The following DSC3 variants were observed in gnomAD, a reference collection of about 807,000 sequenced individuals.
DSC3 encodes the protein desmocollin 3.
Under a neutral mutation model 89.5 loss-of-function variants are expected in DSC3, and 97 were observed. That is an observed-to-expected ratio of 1.08 (90% CI 0.92 to 1.28). The LOEUF is 1.28. DSC3 is among the 50% of genes most tolerant of loss of function. The pLI is 0.00. For synonymous variants in DSC3, 436 were observed against 384.1 expected, an observed-to-expected ratio of 1.14 and a Z score of -1.58; for missense variants, 1,199 against 1,085.3, an observed-to-expected ratio of 1.10 and a Z score of -1.47.
intron 15 of DSC3, 71 bp downstream of exon 15, chr18:30,996,720 T>G: frequency 1.3e-6 from 2 of 1,582,146 alleles, no homozygotes; most frequent in Middle Eastern, 2.3e-4. Context: ...AAATATATGT[T>G]AATTTGAATT....
intron 9 of DSC3, among the ~76,000 whole-genome samples, chr18:31,012,169 A>T (rs1345838032): frequency 1.3e-5 from 2 of 152,146 alleles, no homozygotes; most frequent in African/African-American, 4.8e-5. Context: ...TTTATTAATC[A>T]AAATGTTAGC....
At chr18:31,012,695 G>GT (rs1224479644) in intron 9 of DSC3, among the ~76,000 whole-genome samples, 1 of 152,140 alleles carries the variant, frequency 6.6e-6, no homozygotes, top group Non-Finnish European at 1.5e-5. Flanking sequence ...GTGGGACACT[G>GT]TTTCAGAGAT....
intron 2 of DSC3, among the ~76,000 whole-genome samples, chr18:31,031,815 A>G (rs1447779795): frequency 6.6e-6 from 1 of 152,192 alleles, no homozygotes; most frequent in Non-Finnish European, 1.5e-5. Flanking sequence ...ATAAATATCA[A>G]AATGTACCTG....
intron 8 of DSC3, 123 bp downstream of exon 8, chr18:31,018,543 T>G: frequency 3.5e-6 from 4 of 1,145,402 alleles, no homozygotes; most frequent in Non-Finnish European, 1.3e-6. Context: ...AACTTTAATT[T>G]TATTCATAAA....
At chr18:31,016,457 T>C (rs1985240194) in intron 9 of DSC3, among the ~76,000 whole-genome samples, 1 of 152,212 alleles carries the variant, frequency 6.6e-6, no homozygotes, top group Admixed American at 6.5e-5. Flanking sequence ...AGAACATCTG[T>C]TGCAATCACA....
In DSC3 at chr18:31,018,816, AT is replaced by A. The variant is rs1211189663; in HGVS notation, c.943-17del. 2 of 1,612,770 alleles carry A rather than the reference AT, an allele frequency of 1.2e-6. No individual in the cohort carries two copies. The highest frequency in any genetic ancestry group is 8.5e-7 in the Non-Finnish European group (1 of 1,179,720). On this transcript the variant is annotated splice_polypyrimidine_tract_variant and intron_variant, in intron 7 of 15. Coordinates refer to ENST00000360428, the MANE Select transcript of DSC3 (RefSeq NM_001941.5). ...TGTCTACAACCTGGAAACAAAGCAA[AT>A]ATTTAACTAGTCTTGAAAAATTTTT...
intron 7 of DSC3, among the ~76,000 whole-genome samples, chr18:31,021,448 G>T (rs560408308): frequency 6.6e-6 from 1 of 151,950 alleles, no homozygotes; most frequent in African/African-American, 2.4e-5. Context: ...CAATTAAAAC[G>T]TTTGTACTAC....
At position 31,008,417 on chromosome 18, in the gene DSC3, C is replaced by T. The variant is rs1394527804; in HGVS notation, c.1372G>A (p.Val458Ile). The part of the protein sequence containing the change: ...PRVTALNRAL[V>I]TVHVRDLDEG... Reference sequence around the variant, plus strand: ...TCCAGATCCCTCACATGAACTGTAACCAAGGCTCTGTTCAAGGCTGTCACT... The same window carrying T: ...TCCAGATCCCTCACATGAACTGTAATCAAGGCTCTGTTCAAGGCTGTCACT... Residue 458 changes from valine to isoleucine, a missense_variant, in exon 10 of 16, where the codon GTT becomes ATT. By Grantham distance (29) the Val-to-Ile change is conservative. Transcript: ENST00000360428. 2 of 1,614,130 alleles carry T rather than the reference C, an allele frequency of 1.2e-6. No individual in the cohort carries two copies. Among genetic ancestry groups the T allele is most frequent in the South Asian group, 1.1e-5 (1 of 91,080 alleles).
chr18:31,036,798 CTTT>C (rs775187201), intron 1 of DSC3, among the ~76,000 whole-genome samples: 2 of 107,422 alleles, frequency 1.9e-5, no homozygotes, highest in Non-Finnish European at 1.8e-5. Flanking sequence ...TTCTTTCTTC[CTTT>C]TTTTTTTTTG....
At position 31,030,934 on chromosome 18, in the gene DSC3, T is replaced by A. The variant is rs1411323841; in HGVS notation, c.354+39A>T. On this transcript the variant is annotated intron_variant, in intron 3 of 15. Transcript: ENST00000360428. ...GCAATTTTTAATAAGAGTATTTTAA[T>A]GAAAAAATGACTGAAAATATTTAAT... The A allele has an allele frequency of 3.9e-6, 6 of 1,526,796 alleles. No homozygotes were observed. The South Asian group carries it at 4.6e-5, about 12-fold the overall frequency. The allele number at this position is 1,526,796 out of a possible 1,614,324, so 94.6% of individuals were successfully genotyped here.
chr18:30,991,097 C>T lies in DSC3; in HGVS notation c.*3078G>A, dbSNP rs1051487. ...AATATTGTTTTATTACATCTCCCCA[C>T]ATCTGTAAATATTACTTTACGCATC... is the stretch of plus-strand genomic sequence containing the variant. On this transcript the variant is annotated 3_prime_UTR_variant, in exon 16 of 16. Transcript: ENST00000360428. 29,022 of 152,548 alleles carry T rather than the reference C, an allele frequency of 0.19. 3,308 individuals carry two copies. The highest frequency in any genetic ancestry group is 0.58 in the East Asian group (2,978 of 5,164). 9.4% of individuals were successfully genotyped at this position (152,548 alleles called of 1,614,324 possible).
rs957590356 is a variant in DSC3 at position 30,996,850 on chromosome 18, C to G, written c.2434G>C (p.Asp812His). The change falls in exon 15 of 16, where the codon GAC becomes CAC. Residue 812 changes from aspartate to histidine, a missense_variant. Coordinates refer to ENST00000360428, the MANE Select transcript of DSC3 (RefSeq NM_001941.5). ...DSCRGGHTEV[D>H]NCRYTYSEWH... ...TCCGAGTAAGTGTATCTGCAGTTGTCCACCTCCGTGTGTCCTCCCCTGCAG... is the reference window on the plus strand; with the variant it reads ...TCCGAGTAAGTGTATCTGCAGTTGTGCACCTCCGTGTGTCCTCCCCTGCAG... 1 of 1,613,560 alleles carries G rather than the reference C, an allele frequency of 6.2e-7. No individual in the cohort carries two copies. Among genetic ancestry groups the G allele is most frequent in the Non-Finnish European group, 8.5e-7 (1 of 1,179,938 alleles).
At chr18:31,006,343 G>A (rs906852021) in intron 12 of DSC3, among the ~76,000 whole-genome samples, 24 of 151,716 alleles carry the variant, frequency 1.6e-4, no homozygotes, top group African/African-American at 5.6e-4. Context: ...CTGTCCCCCA[G>A]GCTGGAGTGC....
chr18:31,035,939 C>A (rs1435640552), intron 1 of DSC3, among the ~76,000 whole-genome samples: 2 of 151,992 alleles, frequency 1.3e-5, no homozygotes, highest in Non-Finnish European at 2.9e-5. Context: ...TTATATGCAT[C>A]CTTTTGCAGT....
chr18:31,000,034 G>A (rs745400543), intron 14 of DSC3, among the ~76,000 whole-genome samples: 20 of 152,028 alleles, frequency 1.3e-4, no homozygotes, highest in Non-Finnish European at 2.6e-4. Flanking sequence ...GGACTGTCAA[G>A]GGATTAAACC....
chr18:31,037,622 C>T (rs1465850965), intron 1 of DSC3, among the ~76,000 whole-genome samples: 1 of 152,120 alleles, frequency 6.6e-6, no homozygotes, highest in East Asian at 1.9e-4. Context: ...TCATTCTTGG[C>T]CAGGCGCAGT....
At position 31,018,178 on chromosome 18, in the gene DSC3, TG is replaced by T. The variant is rs1189185086; in HGVS notation, c.1155del (p.Asn385LysfsTer12). On this transcript the variant is annotated frameshift_variant, in exon 9 of 16. Coordinates refer to ENST00000360428, the MANE Select transcript of DSC3 (RefSeq NM_001941.5). LOFTEE classifies it high-confidence loss of function. Reference sequence around the variant, plus strand: ...GTAAAATTGACTCTCCAATTGGCAGTGTTAATTAAATCCTTATCTTCTATAG... The same window carrying T: ...GTAAAATTGACTCTCCAATTGGCAGTTTAATTAAATCCTTATCTTCTATAG... ...RIPIEDKDLI[N>X]TANWRVNFTI... The T allele has an allele frequency of 6.2e-7, 1 of 1,612,174 alleles. No homozygotes were observed. The highest frequency in any genetic ancestry group is 8.5e-7 in the Non-Finnish European group (1 of 1,178,760).
chr18:31,037,287 A>G (rs1986001932), intron 1 of DSC3, among the ~76,000 whole-genome samples: 1 of 152,192 alleles, frequency 6.6e-6, no homozygotes, highest in Admixed American at 6.5e-5. Flanking sequence ...AAACTTGCTT[A>G]CTTTTATTAG....
At chr18:31,007,497 A>AT (rs1272202851) in intron 11 of DSC3, among the ~76,000 whole-genome samples, 7 of 152,272 alleles carry the variant, frequency 4.6e-5, no homozygotes, top group East Asian at 1.9e-4. Context: ...CACTAGGAAG[A>AT]TTTTTTTAAA....
Sources: gnomAD v4.1 joint callset for allele counts (sites outside exome capture counted in the v4.1 genomes callset) on GRCh38, gnomAD v4.1.1 for gene constraint, MANE v1.5 for transcripts, NCBI Gene and HGNC (gene_info 2026-07-23, HGNC 2026-07-21) for gene names.